Variants in LSAMP observed in about 807,000 individuals in gnomAD.
LSAMP encodes limbic system-associated membrane protein.
Under a neutral mutation model 38.6 loss-of-function variants are expected in LSAMP, and 7 were observed. The observed-to-expected ratio is 0.18, with a 90% CI of 0.10 to 0.34. The LOEUF (loss-of-function observed/expected upper bound fraction) is 0.34. LSAMP is among the 10% of genes least tolerant of loss of function. The pLI is 1.00. For missense variants in LSAMP, 313 were observed against 420.0 expected, an observed-to-expected ratio of 0.75 and a Z score of 2.23; for synonymous variants, 154 against 166.8, an observed-to-expected ratio of 0.92 and a Z score of 0.59.
At chr3:116,337,077 G>A (rs1576139674) in intron 1 of LSAMP, among the ~76,000 whole-genome samples, 1 of 151,648 alleles carries the variant, frequency 6.6e-6, no homozygotes, top group Non-Finnish European at 1.5e-5. Flanking sequence ...GTCACAAAAC[G>A]ACACATACTA....
At position 116,316,471 on chromosome 3, in the gene LSAMP, G is replaced by A. The variant is rs149579986; in HGVS notation, c.155+128406C>T. On this transcript the variant is annotated intron_variant, in intron 1 of 6. Transcript: ENST00000490035. ...TTGGGAGAAAAGTTAGGATAGAGCA[G>A]TATATAAAGGCAAGGAAAAGGCCGG... Among the ~76,000 whole-genome samples the A allele has an allele frequency of 6.2e-3, 946 of 152,230 alleles. 4 individuals carry two copies. The highest frequency in any genetic ancestry group is 0.01 in the Middle Eastern group (3 of 294).
intron 1 of LSAMP, among the ~76,000 whole-genome samples, chr3:116,396,528 C>A (rs952282179): frequency 6.6e-6 from 1 of 152,206 alleles, no homozygotes; most frequent in Non-Finnish European, 1.5e-5. Flanking sequence ...AATACTACAT[C>A]TACTGCTTTT....
At chr3:116,423,958 C>T (rs2049161583) in intron 1 of LSAMP, among the ~76,000 whole-genome samples, 1 of 151,874 alleles carries the variant, frequency 6.6e-6, no homozygotes, top group Non-Finnish European at 1.5e-5. Flanking sequence ...AAGAATGAAC[C>T]AGAGTCTAAA....
At chr3:115,996,981 C>T (rs1939832869) in intron 3 of LSAMP, among the ~76,000 whole-genome samples, 1 of 152,038 alleles carries the variant, frequency 6.6e-6, no homozygotes. Flanking sequence ...TGGCAAGATC[C>T]ACGTACCGAC....
chr3:116,012,679 G>T (rs1327687047), intron 3 of LSAMP, among the ~76,000 whole-genome samples: 1 of 152,110 alleles, frequency 6.6e-6, no homozygotes, highest in African/African-American at 2.4e-5. Flanking sequence ...AATCCCCGTG[G>T]TTATTGTGCT....
rs531288954 is a variant in LSAMP at position 116,045,059 on chromosome 3, C to T, written c.389-25419G>A. Among the ~76,000 whole-genome samples the T allele has an allele frequency of 8.5e-5, 13 of 152,260 alleles. 1 individual carries two copies. The South Asian group carries it at 2.7e-3, about 32-fold the overall frequency. On this transcript the variant is annotated intron_variant, in intron 2 of 6. Transcript: ENST00000490035. The stretch of plus-strand genomic sequence containing the variant: ...ATATACATGGGTTGCCTGAGGTAGG[C>T]TTCACAAAGGTTCTTAGCTTTAAAA...
intron 1 of LSAMP, among the ~76,000 whole-genome samples, chr3:116,282,960 G>A (rs1038081558): frequency 6.6e-6 from 1 of 151,976 alleles, no homozygotes; most frequent in Non-Finnish European, 1.5e-5. Context: ...CCCTCATCCT[G>A]CTCTTGCCCA....
chr3:116,073,897 C>A (rs770481864), intron 2 of LSAMP, among the ~76,000 whole-genome samples: 12 of 152,086 alleles, frequency 7.9e-5, no homozygotes, highest in Non-Finnish European at 1.6e-4. Context: ...GAAATCATTG[C>A]AACCCACATC....
At chr3:116,347,039 T>C (rs1032932346) in intron 1 of LSAMP, among the ~76,000 whole-genome samples, 1 of 152,212 alleles carries the variant, frequency 6.6e-6, no homozygotes, top group African/African-American at 2.4e-5. Context: ...GATAAAACAC[T>C]AATACAGAAA....
At chr3:116,192,551 C>G (rs1373065454) in intron 1 of LSAMP, among the ~76,000 whole-genome samples, 4 of 152,126 alleles carry the variant, frequency 2.6e-5, no homozygotes, top group Non-Finnish European at 5.9e-5. Flanking sequence ...TCTCCCAATA[C>G]ACTGGTGGGA....
chr3:116,041,758 C>T lies in LSAMP; in HGVS notation c.389-22118G>A, dbSNP rs1219794368. ...TCAGCAAGAAGGAAGCAAAGTCATA[C>T]ATATGTTTTGGGAACCACAAAAGTA... On this transcript the variant is annotated intron_variant, in intron 2 of 6. Coordinates refer to ENST00000490035, the MANE Select transcript of LSAMP (RefSeq NM_002338.5). Among the ~76,000 whole-genome samples, 10 of 137,064 alleles carry T rather than the reference C, an allele frequency of 7.3e-5. No homozygotes were observed. The East Asian group carries it at 1.8e-3, about 24-fold the overall frequency. 89.9% of individuals were successfully genotyped at this position (137,064 alleles called of 152,430 possible). A position where few individuals can be genotyped will look rare whatever the true frequency, so the allele number is the denominator to read the frequency against.
At chr3:116,325,134 T>C in intron 1 of LSAMP, among the ~76,000 whole-genome samples, 1 of 150,550 alleles carries the variant, frequency 6.6e-6, no homozygotes, top group East Asian at 1.9e-4. Flanking sequence ...ATATATTATT[T>C]CACATATATA....
intron 1 of LSAMP, among the ~76,000 whole-genome samples, chr3:116,239,663 T>C (rs2046507436): frequency 6.6e-6 from 1 of 152,138 alleles, no homozygotes; most frequent in Non-Finnish European, 1.5e-5. Flanking sequence ...TTGGGTCTTT[T>C]AAAAATAGTG....
chr3:115,818,854 G>GATTCT (rs1934131151), intron 6 of LSAMP, among the ~76,000 whole-genome samples: 2 of 125,994 alleles, frequency 1.6e-5, no homozygotes, highest in African/African-American at 5.6e-5. Context: ...AACAATGGGA[G>GATTCT]ATTCTAGCAC....
At chr3:116,183,123 C>A (rs1233491279) in intron 1 of LSAMP, among the ~76,000 whole-genome samples, 2 of 151,778 alleles carry the variant, frequency 1.3e-5, no homozygotes, top group Non-Finnish European at 2.9e-5. Flanking sequence ...GAGAATTATC[C>A]ATATGTGACC....
intron 1 of LSAMP, among the ~76,000 whole-genome samples, chr3:116,204,316 A>G (rs900606355): frequency 3.2e-4 from 49 of 151,524 alleles, no homozygotes; most frequent in African/African-American, 1.0e-3. Context: ...TTGTCAGATG[A>G]GTAGGTTGCG....
chr3:116,426,943 C>T (rs2049204550), intron 1 of LSAMP, among the ~76,000 whole-genome samples: 1 of 151,662 alleles, frequency 6.6e-6, no homozygotes, highest in African/African-American at 2.4e-5. Flanking sequence ...ACAAAAATCT[C>T]CTGGGGTTTT....
chr3:116,047,053 A>G (rs1477964012), intron 2 of LSAMP, among the ~76,000 whole-genome samples: 1 of 152,160 alleles, frequency 6.6e-6, no homozygotes, highest in South Asian at 2.1e-4. Flanking sequence ...TCAGATACTT[A>G]ACTGATGCTG....
chr3:115,974,366 T>G (rs1939117146), intron 3 of LSAMP, among the ~76,000 whole-genome samples: 1 of 151,018 alleles, frequency 6.6e-6, no homozygotes, highest in Non-Finnish European at 1.5e-5. Flanking sequence ...AATGATAAAA[T>G]AAAAAGAAAA....
Sources: gnomAD v4.1 joint callset for allele counts (sites outside exome capture counted in the v4.1 genomes callset) on GRCh38, gnomAD v4.1.1 for gene constraint, MANE v1.5 for transcripts, NCBI Gene and HGNC (gene_info 2026-07-23, HGNC 2026-07-21) for gene names.